PDE4D: variants seen among roughly 807,000 people sequenced by gnomAD.
The protein encoded by PDE4D is 3',5'-cyclic-AMP phosphodiesterase 4D.
PDE4D carries 24 observed loss-of-function variants against 87.4 expected under a neutral mutation model. The observed-to-expected ratio is 0.27, with a 90% CI of 0.20 to 0.39. The LOEUF is 0.39. Among genes scored for constraint, PDE4D ranks in the 10% least tolerant of loss-of-function variants. The pLI is 1.00. For missense variants in PDE4D, 714 were observed against 1,041.0 expected (o/e 0.69, Z 4.32); for synonymous variants, 384 against 383.2 (o/e 1.00, Z -0.02).
At chr5:59,480,549 G>A (rs948888979) in intron 1 of PDE4D, among the ~76,000 whole-genome samples, 1 of 152,062 alleles carries the variant, frequency 6.6e-6, no homozygotes, top group Admixed American at 6.6e-5. Flanking sequence ...TTCACGATGG[G>A]CACTGTAGTC....
chr5:59,021,694 A>G (rs979566484), intron 6 of PDE4D, among the ~76,000 whole-genome samples: 2 of 152,076 alleles, frequency 1.3e-5, no homozygotes, highest in African/African-American at 4.8e-5. Context: ...CAAGGTTGCA[A>G]CTCTACTGTA....
chr5:60,375,335 C>T (rs1024511892), intron 1 of PDE4D, among the ~76,000 whole-genome samples: 1 of 152,142 alleles, frequency 6.6e-6, no homozygotes, highest in Non-Finnish European at 1.5e-5. Context: ...CTCCCTACCC[C>T]TATTTGTCTT....
intron 2 of PDE4D, among the ~76,000 whole-genome samples, chr5:60,149,655 A>G (rs1396767118): frequency 6.6e-6 from 1 of 151,982 alleles, no homozygotes; most frequent in African/African-American, 2.4e-5. Flanking sequence ...TTAGAATTTC[A>G]GTAGATCCTA....
At chr5:60,192,770 GTC>G (rs75097636) in intron 1 of PDE4D, among the ~76,000 whole-genome samples, 14,514 of 152,178 alleles carry the variant, frequency 0.095, 755 homozygotes, top group East Asian at 0.16. Context: ...GGGTAGTTCT[GTC>G]TCATTTCTAT....
At chr5:59,720,224 T>G (rs1755633881) in intron 1 of PDE4D, among the ~76,000 whole-genome samples, 1 of 152,116 alleles carries the variant, frequency 6.6e-6, no homozygotes, top group Non-Finnish European at 1.5e-5. Context: ...TGCAGTGGCA[T>G]GATTGTGGCC....
At chr5:59,528,507 G>A (rs149068128) in intron 1 of PDE4D, among the ~76,000 whole-genome samples, 1 of 152,204 alleles carries the variant, frequency 6.6e-6, no homozygotes, top group Admixed American at 6.5e-5. Flanking sequence ...TTAAGTGCAG[G>A]ATGTCACAAC....
chr5:60,371,676 G>T (rs1189925104), intron 1 of PDE4D, among the ~76,000 whole-genome samples: 1 of 152,056 alleles, frequency 6.6e-6, no homozygotes, highest in Non-Finnish European at 1.5e-5. Context: ...TCTATCTCAG[G>T]CACCTTCTCC....
At chr5:59,713,491 C>T (rs1011126359) in intron 1 of PDE4D, among the ~76,000 whole-genome samples, 5 of 152,158 alleles carry the variant, frequency 3.3e-5, no homozygotes, top group Admixed American at 6.5e-5. Flanking sequence ...AGTAAAGGCA[C>T]GTTGAAACTG....
chr5:59,817,748 C>T (rs553271590), intron 1 of PDE4D, among the ~76,000 whole-genome samples: 2 of 150,738 alleles, frequency 1.3e-5, no homozygotes, highest in African/African-American at 2.4e-5. Context: ...CCACACCCCC[C>T]CCCACACACA....
chr5:59,194,155 G>C (rs1744937026), intron 2 of PDE4D, among the ~76,000 whole-genome samples: 1 of 152,216 alleles, frequency 6.6e-6, no homozygotes, highest in South Asian at 2.1e-4. Context: ...GGGTATGGGA[G>C]CAAGGTGTCA....
intron 1 of PDE4D, among the ~76,000 whole-genome samples, chr5:59,690,274 C>A (rs1039404767): frequency 1.3e-5 from 2 of 152,082 alleles, no homozygotes; most frequent in African/African-American, 2.4e-5. Flanking sequence ...AATCCTAAGC[C>A]AAAAGAACAA....
At chr5:59,686,035 T>C (rs774938524) in intron 1 of PDE4D, among the ~76,000 whole-genome samples, 15 of 152,168 alleles carry the variant, frequency 9.9e-5, no homozygotes, top group Non-Finnish European at 1.6e-4. Context: ...AGAGCATCTG[T>C]TCCCCTCACC....
intron 1 of PDE4D, among the ~76,000 whole-genome samples, chr5:60,340,320 ACT>A (rs1358486039): frequency 6.6e-6 from 1 of 151,964 alleles, no homozygotes; most frequent in Non-Finnish European, 1.5e-5. Context: ...AATAAGTTTC[ACT>A]AGGCTGAGGA....
chr5:59,215,898 G>A lies in PDE4D; in HGVS notation c.526C>T (p.Leu176=), dbSNP rs1751152653. The change falls in exon 2 of 15, where the codon CTA becomes TTA. Residue 176 remains leucine (L), a synonymous_variant. Coordinates refer to ENST00000340635, the MANE Select transcript of PDE4D (RefSeq NM_001104631.2). ...TGGACAAAATTTGCTTGGAGAATTA[G>A]CCCGGATCCTGGGCTGGTCATGGGA... is the stretch of plus-strand genomic sequence containing the variant. ...LDPMTSPGSG[L]ILQANFVHSQ... is the part of the protein sequence containing the mutation. 2.5e-6 allele frequency: 4 copies of A among 1,613,486 alleles called. No individual in the cohort carries two copies. The highest frequency in any genetic ancestry group is 2.5e-6 in the Non-Finnish European group (3 of 1,179,548).
intron 2 of PDE4D, among the ~76,000 whole-genome samples, chr5:60,097,295 A>G (rs1208623585): frequency 8.8e-6 from 1 of 113,052 alleles, no homozygotes; most frequent in Non-Finnish European, 2.0e-5. Context: ...GTGTTTAACA[A>G]ATAAAAAGTA....
At chr5:59,406,503 G>A (rs1203090167) in intron 1 of PDE4D, among the ~76,000 whole-genome samples, 1 of 146,500 alleles carries the variant, frequency 6.8e-6, no homozygotes, top group African/African-American at 2.5e-5. Context: ...CAATTCTCCT[G>A]CCTCAGCCTT....
intron 2 of PDE4D, among the ~76,000 whole-genome samples, chr5:60,029,333 GATAGATGCATATCTGATTGCCT>G (rs1398548627): frequency 1.3e-5 from 2 of 152,190 alleles, no homozygotes; most frequent in Non-Finnish European, 2.9e-5. Context: ...TGCTCACTGA[GATAGATGCATATCTGATTGCCT>G]CCTTTAAAAA....
At chr5:59,891,668 G>T (rs932995964) in intron 1 of PDE4D, among the ~76,000 whole-genome samples, 4 of 152,110 alleles carry the variant, frequency 2.6e-5, no homozygotes, top group Admixed American at 6.5e-5. Context: ...GTACCTAAGG[G>T]TGTGAGCCAG....
chr5:60,085,934 A>G (rs894370646), intron 2 of PDE4D, among the ~76,000 whole-genome samples: 1 of 152,196 alleles, frequency 6.6e-6, no homozygotes, highest in African/African-American at 2.4e-5. Context: ...GAAGGGACAG[A>G]TTGCCAATAT....
Sources: allele counts gnomAD v4.1 joint callset (sites outside exome capture counted in the v4.1 genomes callset), GRCh38; gene constraint gnomAD v4.1.1; transcripts MANE v1.5; gene names NCBI Gene and HGNC (gene_info 2026-07-23, HGNC 2026-07-21).